Variants in RBPJ observed in about 807,000 individuals in gnomAD.
RBPJ encodes recombining binding protein suppressor of hairless.
RBPJ carries 9 observed loss-of-function variants against 67.8 expected under a neutral mutation model. The ratio of observed to expected loss-of-function variants is 0.13; its 90% confidence interval spans 0.08 to 0.23. The LOEUF (loss-of-function observed/expected upper bound fraction) is 0.23, where lower values mean the gene tolerates loss of function less well. Among genes scored for constraint, RBPJ ranks in the 10% least tolerant of loss-of-function variants. The pLI, the probability that RBPJ is intolerant of heterozygous loss-of-function variation, is 1.00. For missense variants in RBPJ, 305 were observed against 595.6 expected, an observed-to-expected ratio of 0.51 and a Z score of 5.08; for synonymous variants, 198 against 203.3, an observed-to-expected ratio of 0.97 and a Z score of 0.22.
chr4:26,420,536 A>G lies in RBPJ; in HGVS notation c.322-15A>G. The G allele has an allele frequency of 6.4e-7, 1 of 1,567,170 alleles. No individual in the cohort carries two copies. Among genetic ancestry groups the G allele is most frequent in the East Asian group, 2.3e-5 (1 of 43,134 alleles). ...AAGGTTTTGCTGCTGTTAAAACTTT[A>G]CTTTTCTTTCACAGAACTATTGCAC... is the stretch of plus-strand genomic sequence containing the variant. On this transcript the variant is annotated splice_polypyrimidine_tract_variant and intron_variant, in intron 4 of 10. Coordinates refer to ENST00000355476, the MANE Select transcript of RBPJ (RefSeq NM_015874.6).
At chr4:26,287,709 GAGAAAGAA>G (rs111972394) in intron 1 of RBPJ, among the ~76,000 whole-genome samples, 2 of 139,000 alleles carry the variant, frequency 1.4e-5, no homozygotes, top group East Asian at 2.3e-4. Context: ...AGAAAAGAAA[GAGAAAGAA>G]AGAAGAAAAC....
chr4:26,430,965 T>A lies in RBPJ; in HGVS notation c.1422T>A (p.Asn474Lys), dbSNP rs1736159419. The A allele has an allele frequency of 5.0e-6, 8 of 1,613,876 alleles. No homozygotes were observed. Among genetic ancestry groups the A allele is most frequent in the Non-Finnish European group, 6.8e-6 (8 of 1,179,968 alleles). ...SEGSYTNAST[N>K]STSVTSSTAT... ...GAAGTTACACAAACGCCAGCACAAA[T>A]TCAACCAGTGTCACATCATCTACAG... The change falls in exon 11 of 11, where the codon AAT becomes AAA. Residue 474 changes from asparagine (N) to lysine (K), a missense_variant. By Grantham distance (94) the Asn-to-Lys change is moderately conservative. Around this residue, in one of 7 missense-constraint regions of RBPJ, gnomAD observed 51 missense variants for 52.8 expected, o/e 0.97. Coordinates refer to ENST00000355476, the MANE Select transcript of RBPJ (RefSeq NM_015874.6). The surrounding 1 kb of genome is among the most constrained non-coding windows in gnomAD (Gnocchi z 4.1).
intron 1 of RBPJ, among the ~76,000 whole-genome samples, chr4:26,283,758 T>C (rs191760631): frequency 2.1e-4 from 32 of 151,568 alleles, no homozygotes; most frequent in African/African-American, 6.8e-4. Flanking sequence ...GCGATTCTCC[T>C]GCCTCAGCCT....
At chr4:26,228,339 C>A (rs1730495348) in intron 1 of RBPJ, among the ~76,000 whole-genome samples, 1 of 152,144 alleles carries the variant, frequency 6.6e-6, no homozygotes, top group African/African-American at 2.4e-5. Context: ...AATACAAACC[C>A]AAGCATGCTA....
chr4:26,206,545 G>A (rs1282808482), intron 1 of RBPJ, among the ~76,000 whole-genome samples: 1 of 152,166 alleles, frequency 6.6e-6, no homozygotes, highest in Non-Finnish European at 1.5e-5. Flanking sequence ...CACATGGTGA[G>A]GAACTGACAT....
At chr4:26,155,484 G>A in the RBPJ span, among the ~76,000 whole-genome samples, 1 of 149,970 alleles carries the variant, frequency 6.7e-6, no homozygotes, top group African/African-American at 2.5e-5. Context: ...GCCCAGGCTG[G>A]AGTGCAGTGG....
chr4:26,253,388 T>C (rs1451728209), intron 1 of RBPJ, among the ~76,000 whole-genome samples: 1 of 140,648 alleles, frequency 7.1e-6, no homozygotes, highest in African/African-American at 2.8e-5. Flanking sequence ...CTCGGCTCAC[T>C]GCAAGCTCCG....
chr4:26,206,100 T>C (rs1039713519), intron 1 of RBPJ, among the ~76,000 whole-genome samples: 2 of 152,176 alleles, frequency 1.3e-5, no homozygotes, highest in African/African-American at 2.4e-5. Flanking sequence ...AAAGCTTTAC[T>C]ACCTCTCTTC....
At chr4:26,428,510 AGTTTC>A in intron 7 of RBPJ, 1 of 474,476 alleles carries the variant, frequency 2.1e-6, no homozygotes, top group Non-Finnish European at 3.7e-6. Flanking sequence ...AGAGGGTAAC[AGTTTC>A]TACATTCTGA....
At chr4:26,316,331 A>T (rs1219980378), upstream of RBPJ, among the ~76,000 whole-genome samples, 3 of 147,624 alleles carry the variant, frequency 2.0e-5, no homozygotes, top group Non-Finnish European at 4.5e-5. Context: ...ATTCATATAT[A>T]TACATTCATA....
Position 26,418,920 on chromosome 4 carries a change from G to A in RBPJ, c.322-1631G>A, listed in dbSNP as rs534684063. 5.3e-5 allele frequency among the ~76,000 whole-genome samples: 8 copies of A among 152,258 alleles called. 1 individual carries two copies. In the South Asian group the frequency reaches 1.7e-3, roughly 32 times the overall value. The stretch of plus-strand genomic sequence containing the variant: ...GCTCACAGATGCCATCTCTGAGTGC[G>A]TTAGAGATCTTGGGTGCAAGGAGTG... On this transcript the variant is annotated intron_variant, in intron 4 of 10. Coordinates refer to ENST00000355476, the MANE Select transcript of RBPJ (RefSeq NM_015874.6).
intron 1 of RBPJ, among the ~76,000 whole-genome samples, chr4:26,188,694 A>G (rs1025373803): frequency 1.3e-5 from 2 of 152,378 alleles, no homozygotes; most frequent in South Asian, 4.1e-4. Flanking sequence ...TTTTCAAATC[A>G]GTCAGCCAAA....
At chr4:26,350,162 A>C (rs1358128429) in intron 1 of RBPJ, among the ~76,000 whole-genome samples, 3 of 152,280 alleles carry the variant, frequency 2.0e-5, no homozygotes, top group East Asian at 3.9e-4. Context: ...CTTTCTTACA[A>C]ATTTTCATAT....
At chr4:26,317,052 C>A (rs924818808), upstream of RBPJ, among the ~76,000 whole-genome samples, 1 of 151,464 alleles carries the variant, frequency 6.6e-6, no homozygotes, top group Non-Finnish European at 1.5e-5. Context: ...GTTCCAGCAG[C>A]TAAGGCTTGA....
rs1188891833 is a variant in RBPJ, at chr4:26,169,856, G to A, written c.-167+6242G>A. ...CTGTGCTAGCAATCAGCGAGACTCC[G>A]TGGGCGTAGGACCCTCTGAGCCATG... On this transcript the variant is annotated intron_variant, in intron 1 of 4. Transcript: ENST00000512351. 4.6e-5 allele frequency among the ~76,000 whole-genome samples: 7 copies of A among 152,314 alleles called. No homozygotes were observed. In the South Asian group the frequency reaches 1.4e-3, roughly 32 times the overall value.
intron 2 of RBPJ, among the ~76,000 whole-genome samples, chr4:26,400,601 G>C (rs562219106): frequency 9.2e-5 from 14 of 152,170 alleles, no homozygotes; most frequent in African/African-American, 1.4e-4. Context: ...AATTGCCAGA[G>C]AACATAATTT....
At chr4:26,202,071 C>G (rs939584024) in intron 1 of RBPJ, among the ~76,000 whole-genome samples, 4 of 152,212 alleles carry the variant, frequency 2.6e-5, no homozygotes, top group African/African-American at 9.6e-5. Flanking sequence ...TGCTTCTTCT[C>G]AGCACTTTGC....
chr4:26,230,891 A>T (rs187863317), intron 1 of RBPJ, among the ~76,000 whole-genome samples: 1 of 152,232 alleles, frequency 6.6e-6, no homozygotes, highest in Admixed American at 6.5e-5. Flanking sequence ...ATATCCACTG[A>T]TATATTTTGA....
At chr4:26,290,318 A>T (rs1482693837) in intron 1 of RBPJ, among the ~76,000 whole-genome samples, 4 of 41,974 alleles carry the variant, frequency 9.5e-5, no homozygotes. Flanking sequence ...GACCCTGTCT[A>T]AAAAAAAAAA....
Sources: allele counts gnomAD v4.1 joint callset (sites outside exome capture counted in the v4.1 genomes callset), GRCh38; gene constraint gnomAD v4.1.1; regional missense constraint gnomAD v4.1.1; non-coding constraint Gnocchi (gnomAD v3.1); transcripts MANE v1.5; gene names NCBI Gene and HGNC (gene_info 2026-07-23, HGNC 2026-07-21).